EDRF1: variants seen among roughly 807,000 people sequenced by gnomAD.
EDRF1 encodes erythroid differentiation regulatory factor 1, also known as erythroid differentiation-related factor 1.
In EDRF1, 69 loss-of-function variants were observed where a neutral mutation model predicts 148.7. That is an observed-to-expected ratio of 0.46 (90% CI 0.38 to 0.57). The LOEUF (loss-of-function observed/expected upper bound fraction) is 0.57, where lower values mean the gene tolerates loss of function less well. Among genes scored for constraint, EDRF1 ranks in the 20% least tolerant of loss-of-function variants. The pLI, the probability that EDRF1 is intolerant of heterozygous loss-of-function variation, is 0.00. For synonymous variants in EDRF1, 515 were observed against 532.8 expected (o/e 0.97, Z 0.46); for missense variants, 1,118 against 1,478.7 (o/e 0.76, Z 4.00).
Position 125,740,736 on chromosome 10 carries a change from C to A in EDRF1, c.2170+85C>A, listed in dbSNP as rs1005938316. 4.3e-6 allele frequency: 6 copies of A among 1,388,788 alleles called. No homozygotes were observed. The African/African-American group carries it at 7.1e-5, about 16-fold the overall frequency. 86.0% of individuals were successfully genotyped at this position (1,388,788 alleles called of 1,614,324 possible). A position where few individuals can be genotyped will look rare whatever the true frequency, so the allele number is the denominator to read the frequency against. On this transcript the variant is annotated intron_variant, in intron 16 of 24. Coordinates refer to ENST00000356792, the MANE Select transcript of EDRF1 (RefSeq NM_001202438.2). The stretch of plus-strand genomic sequence containing the variant: ...TCTGAATCACAGTGGAAGTTTACTC[C>A]TATTTTTCTAGTAAATCTTTATTTT...
Position 125,721,425 on chromosome 10 carries a change from C to T in EDRF1, c.317+13C>T, listed in dbSNP as rs371821240. 6.2e-7 allele frequency: 1 copy of T among 1,613,052 alleles called. No individual in the cohort carries two copies. ...AGCCATTTTCAAGGTAAATATTAAT[C>T]AGTGGCATTTTTACCTGCCCCTCCA... On this transcript the variant is annotated intron_variant, in intron 2 of 24. Coordinates refer to ENST00000356792, the MANE Select transcript of EDRF1 (RefSeq NM_001202438.2).
intron 24 of EDRF1, among the ~76,000 whole-genome samples, chr10:125,755,690 AG>A (rs1184793617): frequency 1.3e-5 from 2 of 152,216 alleles, no homozygotes; most frequent in African/African-American, 4.8e-5. Flanking sequence ...AGTATTACTC[AG>A]GCTGTCTTTT....
At chr10:125,761,328 TC>T (rs1273594505) in intron 24 of EDRF1, 1 of 249,356 alleles carries the variant, frequency 4.0e-6, no homozygotes, top group African/African-American at 2.3e-5. Flanking sequence ...TTCTCTTTTC[TC>T]TTTTTGAATT....
At chr10:125,743,330 T>C in intron 18 of EDRF1, 54 bp downstream of exon 18, 1 of 1,473,748 alleles carries the variant, frequency 6.8e-7, no homozygotes, top group Non-Finnish European at 9.4e-7. Context: ...AAAATTATGC[T>C]AATTTTGTAT....
At chr10:125,727,204 G>A (rs1364170055) in intron 6 of EDRF1, among the ~76,000 whole-genome samples, 3 of 152,154 alleles carry the variant, frequency 2.0e-5, no homozygotes, top group Non-Finnish European at 2.9e-5. Context: ...CACTGTGTCC[G>A]TGTACTCCAC....
intron 24 of EDRF1, among the ~76,000 whole-genome samples, chr10:125,761,585 AAGTT>A (rs1370550716): frequency 5.3e-5 from 8 of 152,334 alleles, no homozygotes; most frequent in African/African-American, 1.7e-4. Context: ...GAAAGAATGT[AAGTT>A]AGTTCCCTTT....
At chr10:125,726,204 A>G (rs1848252355) in intron 6 of EDRF1, among the ~76,000 whole-genome samples, 1 of 152,138 alleles carries the variant, frequency 6.6e-6, no homozygotes, top group African/African-American at 2.4e-5. Context: ...TTTTAACTAT[A>G]AATATCTGTC....
At chr10:125,761,707 G>A (rs573937660) in intron 24 of EDRF1, among the ~76,000 whole-genome samples, 13 of 152,218 alleles carry the variant, frequency 8.5e-5, no homozygotes, top group African/African-American at 2.9e-4. Flanking sequence ...ATTGGAAGAT[G>A]AAGATTTAAG....
At chr10:125,738,050 A>G (rs1179529298) in intron 14 of EDRF1, 61 bp downstream of exon 14, 1 of 1,519,226 alleles carries the variant, frequency 6.6e-7, no homozygotes, top group Non-Finnish European at 9.1e-7. Flanking sequence ...TGCAAATTAC[A>G]CTTGTTTGTT....
chr10:125,719,781 T>C lies in EDRF1; in HGVS notation c.-27T>C, dbSNP rs1847888211. 1 of 1,590,866 alleles carries C rather than the reference T, an allele frequency of 6.3e-7. No individual in the cohort carries two copies. Among genetic ancestry groups the C allele is most frequent in the African/African-American group, 1.3e-5 (1 of 74,426 alleles). The stretch of plus-strand genomic sequence containing the variant: ...CTGCTGCTGCTCCTCCGCTCCCCCG[T>C]CGTATCGCCTGCCCTGGATCGAAGT... On this transcript the variant is annotated 5_prime_UTR_variant, in exon 1 of 25. Coordinates refer to ENST00000356792, the MANE Select transcript of EDRF1 (RefSeq NM_001202438.2).
Position 125,733,348 on chromosome 10 carries a change from G to A in EDRF1, c.1129-56G>A, listed in dbSNP as rs570057693. 86 of 1,391,442 alleles carry A rather than the reference G, an allele frequency of 6.2e-5. No homozygotes were observed. The African/African-American group carries it at 8.2e-4, about 13-fold the overall frequency. The allele number at this position is 1,391,442 out of a possible 1,614,324, so 86.2% of individuals were successfully genotyped here. ...ATTTGGTTGCTTTTTAAAAAGAAAG[G>A]TGTTGTTTCCTTGGGTTTTCTCTTA... On this transcript the variant is annotated intron_variant, in intron 9 of 24. Transcript: ENST00000356792.
chr10:125,738,336 C>T lies in EDRF1; in HGVS notation c.1872C>T (p.Asp624=). The T allele has an allele frequency of 6.2e-7, 1 of 1,614,058 alleles. No individual in the cohort carries two copies. The highest frequency in any genetic ancestry group is 8.5e-7 in the Non-Finnish European group (1 of 1,179,994). ...SVDSSIKKES[D]LPAADPSTPI... ...ATAGCAGCATCAAAAAAGAAAGCGA[C>T]CTTCCAGCAGCTGACCCCAGCACTC... Residue 624 remains aspartate, a synonymous_variant, in exon 15 of 25, where the codon GAC becomes GAT. Coordinates refer to ENST00000356792, the MANE Select transcript of EDRF1 (RefSeq NM_001202438.2).
chr10:125,759,978 G>A (rs534365776), intron 24 of EDRF1, among the ~76,000 whole-genome samples: 4 of 152,314 alleles, frequency 2.6e-5, no homozygotes, highest in African/African-American at 4.8e-5. Context: ...CCAAAGTGCC[G>A]GGATTACAAG....
At chr10:125,760,880 A>G (rs1425145727) in intron 24 of EDRF1, among the ~76,000 whole-genome samples, 1 of 152,252 alleles carries the variant, frequency 6.6e-6, no homozygotes, top group African/African-American at 2.4e-5. Context: ...TTTATATGGC[A>G]TTGACATTGT....
In EDRF1 at chr10:125,730,324, T is replaced by C. The variant is rs1469809275; in HGVS notation, c.1053T>C (p.Ile351=). ...NNKPINVLTG[I]DYWLDNLICN... Reference sequence around the variant, plus strand: ...AACCAATTAATGTGCTAACTGGAATTGACTATTGGTTGGACAACTTGATAT... The same window carrying C: ...AACCAATTAATGTGCTAACTGGAATCGACTATTGGTTGGACAACTTGATAT... Residue 351 remains isoleucine (I), a synonymous_variant, in exon 9 of 25, where the codon ATT becomes ATC. Transcript: ENST00000356792. The C allele has an allele frequency of 8.1e-6, 13 of 1,613,994 alleles. No homozygotes were observed. The highest frequency in any genetic ancestry group is 1.1e-5 in the Non-Finnish European group (13 of 1,179,856).
intron 24 of EDRF1, among the ~76,000 whole-genome samples, chr10:125,760,778 T>A (rs1203558985): frequency 1.3e-5 from 2 of 152,204 alleles, no homozygotes. Flanking sequence ...ATCCAAGGAT[T>A]CTGCATCCAC....
chr10:125,742,224 T>C, intron 17 of EDRF1: 5 of 1,289,416 alleles, frequency 3.9e-6, no homozygotes, highest in Non-Finnish European at 4.0e-6. Context: ...TGTCAGGCTT[T>C]AAAACTGGGA....
In EDRF1 at chr10:125,745,783, CTTTG is replaced by C; in HGVS notation, c.2668_2671del (p.Phe890AsnfsTer34). On this transcript the variant is annotated frameshift_variant, in exon 19 of 25. Coordinates refer to ENST00000356792, the MANE Select transcript of EDRF1 (RefSeq NM_001202438.2). LOFTEE classifies it high-confidence loss of function. ...CTTGTTTTGAAAAGGGAATTCACAA[CTTTG>C]AATCAATTGAGGATGCCACCAATGC... 1 of 1,614,214 alleles carries C rather than the reference CTTTG, an allele frequency of 6.2e-7. No homozygotes were observed. Among genetic ancestry groups the C allele is most frequent in the Non-Finnish European group, 8.5e-7 (1 of 1,180,038 alleles).
chr10:125,731,980 C>T (rs1039071385), intron 9 of EDRF1: 1 of 411,162 alleles, frequency 2.4e-6, no homozygotes, highest in Non-Finnish European at 5.1e-6. Context: ...CTTTGTGCCT[C>T]TCTCTGGCTG....
Sources: allele counts gnomAD v4.1 joint callset (sites outside exome capture counted in the v4.1 genomes callset), GRCh38; gene constraint gnomAD v4.1.1; transcripts MANE v1.5; gene names NCBI Gene and HGNC (gene_info 2026-07-23, HGNC 2026-07-21).